The following ASIC2 variants were observed in gnomAD, a reference collection of about 807,000 sequenced individuals.
The protein encoded by ASIC2 is acid sensing ion channel subunit 2.
ASIC2 carries 25 observed loss-of-function variants against 57.3 expected under a neutral mutation model. That is an observed-to-expected ratio of 0.44 (90% CI 0.32 to 0.61). The LOEUF is 0.61. Among genes scored for constraint, ASIC2 ranks in the 20% least tolerant of loss-of-function variants. The probability of loss-of-function intolerance (pLI) is 0.06; values close to 1 mark genes in which losing one functional copy is unlikely to be tolerated. For missense variants in ASIC2, 641 were observed against 738.1 expected, an observed-to-expected ratio of 0.87 and a Z score of 1.52; for synonymous variants, 319 against 307.5, an observed-to-expected ratio of 1.04 and a Z score of -0.39.
At chr17:33,024,039 T>C (rs745825640) in intron 5 of ASIC2, 25 bp from the exon 6 acceptor site, 2 of 1,613,590 alleles carry the variant, frequency 1.2e-6, no homozygotes, top group Non-Finnish European at 1.7e-6. Context: ...GAGGTGGGGC[T>C]TAGTCAGGTG....
At chr17:33,300,561 A>G (rs572066423) in intron 1 of ASIC2, among the ~76,000 whole-genome samples, 1 of 152,202 alleles carries the variant, frequency 6.6e-6, no homozygotes, top group Non-Finnish European at 1.5e-5. Context: ...TTATGCAGAT[A>G]TTTCTGTTTG....
At chr17:33,065,898 G>A (rs1332551855) in intron 3 of ASIC2, among the ~76,000 whole-genome samples, 1 of 152,216 alleles carries the variant, frequency 6.6e-6, no homozygotes, top group East Asian at 1.9e-4. Context: ...TTTGACGGAT[G>A]AGGCCCGAAA....
chr17:33,528,333 C>A (rs1167766836), intron 1 of ASIC2, among the ~76,000 whole-genome samples: 2 of 152,016 alleles, frequency 1.3e-5, no homozygotes, highest in African/African-American at 4.8e-5. Flanking sequence ...TAATTAACAC[C>A]CCACCAGACC....
intron 1 of ASIC2, among the ~76,000 whole-genome samples, chr17:33,569,816 C>T (rs1916371125): frequency 1.3e-5 from 2 of 152,206 alleles, no homozygotes; most frequent in Non-Finnish European, 2.9e-5. Flanking sequence ...TAGTTCCTTG[C>T]TCAAAAACCC....
chr17:33,882,809 C>G (rs1260897592), intron 1 of ASIC2, among the ~76,000 whole-genome samples: 1 of 152,108 alleles, frequency 6.6e-6, no homozygotes, highest in African/African-American at 2.4e-5. Flanking sequence ...CACATGCACA[C>G]GTATGTTTAT....
At chr17:33,990,831 C>G (rs1905980541) in intron 1 of ASIC2, among the ~76,000 whole-genome samples, 1 of 152,118 alleles carries the variant, frequency 6.6e-6, no homozygotes, top group African/African-American at 2.4e-5. Flanking sequence ...TAACATCTCT[C>G]CCACAGCATT....
intron 1 of ASIC2, among the ~76,000 whole-genome samples, chr17:33,135,135 T>C (rs979073620): frequency 1.3e-5 from 2 of 152,054 alleles, no homozygotes; most frequent in Non-Finnish European, 2.9e-5. Flanking sequence ...AGGATGAAGT[T>C]CATTCCGCTT....
chr17:34,070,235 AC>A (rs1246538356), intron 1 of ASIC2: 6 of 151,846 alleles, frequency 4.0e-5, no homozygotes, highest in African/African-American at 1.5e-4. Flanking sequence ...ATAAAGCAGT[AC>A]CCCCTGGTGA....
intron 1 of ASIC2, among the ~76,000 whole-genome samples, chr17:33,265,733 T>G (rs1223242516): frequency 1.3e-5 from 2 of 152,200 alleles, no homozygotes; most frequent in Non-Finnish European, 2.9e-5. Context: ...CTTCTTGGAT[T>G]GGGTGTCTTC....
chr17:33,595,982 G>A (rs1904966920), intron 1 of ASIC2, among the ~76,000 whole-genome samples: 2 of 152,228 alleles, frequency 1.3e-5, no homozygotes, highest in South Asian at 2.1e-4. Context: ...TCTGGCTACA[G>A]ACTCTATAAT....
intron 1 of ASIC2, among the ~76,000 whole-genome samples, chr17:33,913,619 T>C (rs894410704): frequency 3.3e-5 from 5 of 152,228 alleles, no homozygotes; most frequent in Admixed American, 1.3e-4. Flanking sequence ...CATCAGCTCC[T>C]TCTTCCTTAA....
At chr17:33,329,817 T>A (rs764513341) in intron 1 of ASIC2, among the ~76,000 whole-genome samples, 29 of 151,998 alleles carry the variant, frequency 1.9e-4, no homozygotes, top group Non-Finnish European at 3.5e-4. Flanking sequence ...AGACAATGAG[T>A]CTGTGGAACT....
At chr17:34,099,164 GAAAGAA>G (rs1333498346) in intron 1 of ASIC2, among the ~76,000 whole-genome samples, 41 of 5,092 alleles carry the variant, frequency 8.1e-3, no homozygotes, top group East Asian at 0.024. Flanking sequence ...GAGAGAGAGA[GAAAGAA>G]AGAAAGAAAG....
chr17:33,894,474 G>C (rs1597920088), intron 1 of ASIC2, among the ~76,000 whole-genome samples: 1 of 151,896 alleles, frequency 6.6e-6, no homozygotes, highest in African/African-American at 2.4e-5. Flanking sequence ...TCTCTCCTGG[G>C]TGCCCTCACC....
chr17:33,544,122 G>A (rs1190424318), intron 1 of ASIC2, among the ~76,000 whole-genome samples: 1 of 152,106 alleles, frequency 6.6e-6, no homozygotes, highest in Non-Finnish European at 1.5e-5. Context: ...ATGTATGAAT[G>A]GAATCTTGTA....
chr17:33,943,401 G>C (rs1916234839), intron 1 of ASIC2, among the ~76,000 whole-genome samples: 1 of 152,286 alleles, frequency 6.6e-6, no homozygotes, highest in East Asian at 1.9e-4. Flanking sequence ...GAAATGAAGA[G>C]AGAATATGAT....
At chr17:33,212,127 T>C (rs75384193) in intron 1 of ASIC2, among the ~76,000 whole-genome samples, 2,332 of 152,312 alleles carry the variant, frequency 0.015, 24 homozygotes, top group Non-Finnish European at 0.024. Flanking sequence ...TTACTATGAG[T>C]GGTAGGCTGG....
chr17:33,951,068 C>A (rs1414903037), intron 1 of ASIC2, among the ~76,000 whole-genome samples: 1 of 152,152 alleles, frequency 6.6e-6, no homozygotes, highest in African/African-American at 2.4e-5. Context: ...CAATTAATCT[C>A]TTTATCTCTC....
chr17:33,830,436 C>T (rs992742663), intron 1 of ASIC2, among the ~76,000 whole-genome samples: 1 of 152,076 alleles, frequency 6.6e-6, no homozygotes, highest in Admixed American at 6.6e-5. Context: ...CCAGTTGGGC[C>T]TGAAAACAAC....
Sources: gnomAD v4.1 joint callset for allele counts (sites outside exome capture counted in the v4.1 genomes callset) on GRCh38, gnomAD v4.1.1 for gene constraint, MANE v1.5 for transcripts, NCBI Gene and HGNC (gene_info 2026-07-23, HGNC 2026-07-21) for gene names.